SYNE1: variants seen among roughly 807,000 people sequenced by gnomAD.
SYNE1 encodes the protein spectrin repeat containing nuclear envelope protein 1.
Under a neutral mutation model 1,111.0 loss-of-function variants are expected in SYNE1, and 616 were observed. The ratio of observed to expected loss-of-function variants is 0.55; its 90% CI spans 0.52 to 0.59. The LOEUF (loss-of-function observed/expected upper bound fraction) is 0.59, where lower values mean the gene tolerates loss of function less well. SYNE1 is among the 20% of genes least tolerant of loss of function. SYNE1 has a pLI of 0.00. For missense variants in SYNE1, 10,006 were observed against 10,417.0 expected (o/e 0.96, Z 1.72); for synonymous variants, 3,855 against 3,825.8 (o/e 1.01, Z -0.28).
intron 130 of SYNE1, among the ~76,000 whole-genome samples, chr6:152,166,559 A>C (rs1235810269): frequency 1.3e-5 from 2 of 152,222 alleles, no homozygotes; most frequent in Non-Finnish European, 2.9e-5. Flanking sequence ...TCTACATTAG[A>C]AAAATAAATT....
chr6:152,144,063 T>C (rs1247099196), intron 137 of SYNE1: 2 of 427,690 alleles, frequency 4.7e-6, no homozygotes, highest in Non-Finnish European at 8.8e-6. Flanking sequence ...CCTGATCATC[T>C]GAATGTTGTC....
At chr6:152,122,760 C>T in intron 145 of SYNE1, 84 bp from the exon 146 acceptor site, 2 of 1,598,904 alleles carry the variant, frequency 1.3e-6, no homozygotes, top group Non-Finnish European at 1.7e-6. Context: ...TTCCTGGAAG[C>T]TAAAGGGCCA....
In SYNE1 at chr6:152,326,032, T is replaced by C. The variant is rs1309063617; in HGVS notation, c.15364A>G (p.Lys5122Glu). 5 of 1,614,226 alleles carry C rather than the reference T, an allele frequency of 3.1e-6. No homozygotes were observed. Among genetic ancestry groups the C allele is most frequent in the South Asian group, 1.1e-5 (1 of 91,084 alleles). The change falls in exon 80 of 146, where the codon AAG (lysine) becomes GAG (glutamate). Residue 5122 changes from lysine (K) to glutamate (E), a missense_variant. This residue lies in a region of SYNE1 where 4,955 missense variants were observed against 5,017.2 expected (regional missense o/e 0.99). Transcript: ENST00000367255. The stretch of plus-strand genomic sequence containing the variant: ...AACAAAGAAAACTCAGACAATTTCT[T>C]TTCTGTATCATTCATCAATTCAATA... Reference protein sequence around the residue: ...EVIELMNDTEKKLSEFSLLKT... With the variant: ...EVIELMNDTEEKLSEFSLLKT...
rs1386701721 is a variant in SYNE1 at position 152,218,286 on chromosome 6, T to C, written c.22162A>G (p.Thr7388Ala). The C allele has an allele frequency of 2.1e-5, 34 of 1,614,018 alleles. No homozygotes were observed. Among genetic ancestry groups the C allele is most frequent in the Non-Finnish European group, 2.8e-5 (33 of 1,180,014 alleles). ...QDPSHSSDLS[T>A]IQERMEELKG... is the part of the protein sequence containing the mutation. Reference sequence around the variant, plus strand: ...AGTTCTTCCATCCTTTCCTGGATTGTGGAGAGGTCAGATGAGTGGCTAGGG... The same window carrying C: ...AGTTCTTCCATCCTTTCCTGGATTGCGGAGAGGTCAGATGAGTGGCTAGGG... The change falls in exon 121 of 146, where the codon ACA (threonine) becomes GCA (alanine). Residue 7388 changes from threonine (T) to alanine (A), a missense_variant. Physicochemically the swap from Thr to Ala is moderately conservative, Grantham distance 58. This residue lies in a region of SYNE1 where 2,182 missense variants were observed against 2,287.8 expected (regional missense o/e 0.95). Transcript: ENST00000367255.
intron 46 of SYNE1, among the ~76,000 whole-genome samples, chr6:152,402,908 G>A (rs2097844266): frequency 6.6e-6 from 1 of 152,074 alleles, no homozygotes; most frequent in Non-Finnish European, 1.5e-5. Flanking sequence ...CATGCATAAG[G>A]ACTCTTTATC....
chr6:152,566,015 A>G (rs1360661923), intron 3 of SYNE1, among the ~76,000 whole-genome samples: 1 of 152,202 alleles, frequency 6.6e-6, no homozygotes. Context: ...AATAAGATAC[A>G]AAACCTAAAC....
chr6:152,355,123 C>G, intron 66 of SYNE1, 147 bp from the exon 67 acceptor site: 1 of 838,758 alleles, frequency 1.2e-6, no homozygotes, highest in African/African-American at 1.7e-5. Flanking sequence ...AAAATATGTC[C>G]CTAACCATAT....
At chr6:152,167,729 T>C (rs1351521223) in intron 130 of SYNE1, 5 of 535,324 alleles carry the variant, frequency 9.3e-6, no homozygotes, top group Non-Finnish European at 1.9e-5. Flanking sequence ...TAAGGCTAAA[T>C]TTCAGTTTCA....
At chr6:152,634,425 G>C (rs562421520) in intron 2 of SYNE1, among the ~76,000 whole-genome samples, 1 of 152,210 alleles carries the variant, frequency 6.6e-6, no homozygotes, top group Admixed American at 6.5e-5. Flanking sequence ...CAAGTCTTTT[G>C]CTGAAGAGAG....
At chr6:152,338,092 G>A (rs2096445929) in intron 75 of SYNE1, among the ~76,000 whole-genome samples, 1 of 151,916 alleles carries the variant, frequency 6.6e-6, no homozygotes, top group South Asian at 2.1e-4. Context: ...AGGTTGCAGT[G>A]AGCCAAAATT....
intron 14 of SYNE1, among the ~76,000 whole-genome samples, chr6:152,476,794 G>C (rs768743028): frequency 6.6e-6 from 1 of 151,634 alleles, no homozygotes; most frequent in Non-Finnish European, 1.5e-5. Context: ...ACTGGATCCT[G>C]GGAGGCAGAG....
chr6:152,165,274 T>C (rs1462034518), intron 130 of SYNE1, among the ~76,000 whole-genome samples: 2 of 152,214 alleles, frequency 1.3e-5, no homozygotes, highest in Admixed American at 6.5e-5. Flanking sequence ...TTTTGAACAT[T>C]TGATTTATTT....
At chr6:152,233,719 G>A in intron 112 of SYNE1, 62 bp downstream of exon 112, 2 of 1,594,176 alleles carry the variant, frequency 1.3e-6, no homozygotes, top group Non-Finnish European at 8.6e-7. Flanking sequence ...GCAAATTAAT[G>A]TATTTCTCCA....
At chr6:152,476,077 C>T (rs2098832768) in intron 14 of SYNE1, among the ~76,000 whole-genome samples, 1 of 152,152 alleles carries the variant, frequency 6.6e-6, no homozygotes, top group South Asian at 2.1e-4. Flanking sequence ...GTCCCTTTCT[C>T]TTCTCTGTAT....
At chr6:152,348,304 T>G (rs1168391542) in intron 72 of SYNE1, among the ~76,000 whole-genome samples, 1 of 152,222 alleles carries the variant, frequency 6.6e-6, no homozygotes, top group Non-Finnish European at 1.5e-5. Flanking sequence ...CAGCTCGGCC[T>G]GATTTCACCT....
Position 152,330,249 on chromosome 6 carries a change from C to A in SYNE1, c.14436G>T (p.Glu4812Asp). 6.2e-7 allele frequency: 1 copy of A among 1,614,194 alleles called. No individual in the cohort carries two copies. The highest frequency in any genetic ancestry group is 8.5e-7 in the Non-Finnish European group (1 of 1,180,036). The change falls in exon 78 of 146, where the codon GAG (glutamate) becomes GAT (aspartate). Residue 4812 changes from glutamate to aspartate, a missense_variant. Glu to Asp is a conservative substitution (Grantham distance 45). This residue lies in a region of SYNE1 where 4,955 missense variants were observed against 5,017.2 expected (regional missense o/e 0.99). Coordinates refer to ENST00000367255, the MANE Select transcript of SYNE1 (RefSeq NM_182961.4). Reference sequence around the variant, plus strand: ...GGGAGTGATACATTTTGAGCTTCTCCTCTGCAGGCAGCGTTTCCTCATTCA... The same window carrying A: ...GGGAGTGATACATTTTGAGCTTCTCATCTGCAGGCAGCGTTTCCTCATTCA... ...SKVNEETLPAEEKLKMYHSLA... is the reference protein window; with the variant it reads ...SKVNEETLPADEKLKMYHSLA...
intron 53 of SYNE1, among the ~76,000 whole-genome samples, chr6:152,389,700 G>A (rs1000374316): frequency 1.9e-4 from 29 of 152,264 alleles, no homozygotes; most frequent in Middle Eastern, 3.4e-3. Context: ...GAGGCTCTAC[G>A]GCTGGGCTCT....
intron 85 of SYNE1, 56 bp downstream of exon 85, chr6:152,318,807 G>A (rs2095800213): frequency 5.0e-6 from 8 of 1,602,644 alleles, no homozygotes; most frequent in Non-Finnish European, 6.8e-6. Flanking sequence ...AAGTAAAACT[G>A]ACTCCAAAAA....
At position 152,242,215 on chromosome 6, in the gene SYNE1, T is replaced by C. The variant is rs1049704187; in HGVS notation, c.19893+25A>G. The C allele has an allele frequency of 2.5e-6, 4 of 1,590,244 alleles. No individual in the cohort carries two copies. The African/African-American group carries it at 5.4e-5, about 21-fold the overall frequency. ...GCATGCTTTCCAATTACATTTTCTC[T>C]CTATCACTCTTTTTTGTTATGTACC... On this transcript the variant is annotated intron_variant, in intron 107 of 145. Coordinates refer to ENST00000367255, the MANE Select transcript of SYNE1 (RefSeq NM_182961.4).
Sources: gnomAD v4.1 joint callset for allele counts (sites outside exome capture counted in the v4.1 genomes callset) on GRCh38, gnomAD v4.1.1 for gene constraint, gnomAD v4.1.1 regional missense constraint, MANE v1.5 for transcripts, NCBI Gene and HGNC (gene_info 2026-07-23, HGNC 2026-07-21) for gene names.